Variants in MANF observed in about 807,000 individuals in gnomAD.
The protein encoded by MANF is mesencephalic astrocyte-derived neurotrophic factor.
In MANF, 9 loss-of-function variants were observed where a neutral mutation model predicts 19.1. That is an observed-to-expected ratio of 0.47 (90% CI 0.28 to 0.82). The LOEUF (loss-of-function observed/expected upper bound fraction) is 0.82. MANF is among the 40% of genes least tolerant of loss of function. MANF has a pLI of 0.10. For missense variants in MANF, 225 were observed against 226.7 expected, an observed-to-expected ratio of 0.99 and a Z score of 0.05; for synonymous variants, 89 against 88.0, an observed-to-expected ratio of 1.01 and a Z score of -0.06.
rs782017054 is a variant in MANF at position 51,386,191 on chromosome 3, G to A, written c.95-17G>A. On this transcript the variant is annotated splice_polypyrimidine_tract_variant and intron_variant, in intron 1 of 3. Coordinates refer to ENST00000528157, the MANE Select transcript of MANF (RefSeq NM_006010.6). ...GCTTGGTGATTGCTGAGCATCTCCC[G>A]TCCCTCTCTTTTCCAGTTTGTATTT... is the stretch of plus-strand genomic sequence containing the variant. 6.8e-6 allele frequency: 11 copies of A among 1,612,424 alleles called. No individual in the cohort carries two copies. The highest frequency in any genetic ancestry group is 9.3e-6 in the Non-Finnish European group (11 of 1,179,104).
At chr3:51,388,549 C>G (rs1378444494) in intron 3 of MANF, among the ~76,000 whole-genome samples, 6 of 152,214 alleles carry the variant, frequency 3.9e-5, no homozygotes, top group Non-Finnish European at 5.9e-5. Flanking sequence ...AAGGCCTGAG[C>G]AGGGCTGCTC....
intron 1 of MANF, chr3:51,385,667 G>C: frequency 2.7e-6 from 1 of 370,886 alleles, no homozygotes; most frequent in Non-Finnish European, 4.8e-6. Flanking sequence ...ACTAGATCCC[G>C]TTGAAAACTT....
At position 51,389,279 on chromosome 3, in the gene MANF, G is replaced by C. The variant is rs1553621217; in HGVS notation, c.*190G>C. On this transcript the variant is annotated 3_prime_UTR_variant, in exon 4 of 4. Coordinates refer to ENST00000528157, the MANE Select transcript of MANF (RefSeq NM_006010.6). ...GGGGATTCCCTTCCTTCTGTTGCTG[G>C]TGTACTCTAGGACTTCAAAGTGTGT... 1.8e-6 allele frequency: 1 copy of C among 552,164 alleles called. No homozygotes were observed. Among genetic ancestry groups the C allele is most frequent in the Non-Finnish European group, 3.1e-6 (1 of 321,504 alleles). 34.2% of individuals were successfully genotyped at this position (552,164 alleles called of 1,614,324 possible).
chr3:51,388,283 T>C (rs2088982608), intron 3 of MANF, among the ~76,000 whole-genome samples: 1 of 152,212 alleles, frequency 6.6e-6, no homozygotes, highest in African/African-American at 2.4e-5. Context: ...GGCTGCAAGC[T>C]CTGAAGCCCC....
At position 51,386,173 on chromosome 3, in the gene MANF, G is replaced by A. The variant is rs782628351; in HGVS notation, c.95-35G>A. On this transcript the variant is annotated intron_variant, in intron 1 of 3. Transcript: ENST00000528157. ...TTCTGGTGGATTGGAACAGCTTGGT[G>A]ATTGCTGAGCATCTCCCGTCCCTCT... 1.1e-5 allele frequency: 17 copies of A among 1,610,392 alleles called. No individual in the cohort carries two copies. The South Asian group carries it at 1.9e-4, about 18-fold the overall frequency.
chr3:51,385,350 G>A lies in MANF; in HGVS notation c.8G>A (p.Arg3Lys), dbSNP rs1488731372. 3.2e-6 allele frequency: 4 copies of A among 1,238,940 alleles called. No individual in the cohort carries two copies. Among genetic ancestry groups the A allele is most frequent in the Non-Finnish European group, 4.0e-6 (4 of 989,132 alleles). The allele number at this position is 1,238,940 out of a possible 1,614,324, so 76.7% of individuals were successfully genotyped here. Residue 3 changes from arginine to lysine, a missense_variant, in exon 1 of 4, where the codon AGG becomes AAG. Coordinates refer to ENST00000528157, the MANE Select transcript of MANF (RefSeq NM_006010.6). Reference protein sequence around the residue: MRRMWATQGLAVA... With the variant: MRKMWATQGLAVA... Reference sequence around the variant, plus strand: ...AGGAGGAGGATGAGGAGGATGAGGAGGATGTGGGCCACGCAGGGGCTGGCG... The same window carrying A: ...AGGAGGAGGATGAGGAGGATGAGGAAGATGTGGGCCACGCAGGGGCTGGCG...
Position 51,385,320 on chromosome 3 carries a change from G to GGAT in MANF, c.-21_-20insTGA. The GGAT allele has an allele frequency of 8.2e-7, 1 of 1,222,738 alleles. No individual in the cohort carries two copies. The highest frequency in any genetic ancestry group is 1.0e-6 in the Non-Finnish European group (1 of 976,442). 75.7% of individuals were successfully genotyped at this position (1,222,738 alleles called of 1,614,324 possible). Reference sequence around the variant, plus strand: ...GGTCGGCGGCGGCAGCGGAGGAGGAGGAGGAGGAGGAGGATGAGGAGGATG... The same window carrying GGAT: ...GGTCGGCGGCGGCAGCGGAGGAGGAGGATGAGGAGGAGGAGGATGAGGAGGATG... On this transcript the variant is annotated 5_prime_UTR_variant, in exon 1 of 4. The change creates a new upstream start codon in the 5' untranslated region. Coordinates refer to ENST00000528157, the MANE Select transcript of MANF (RefSeq NM_006010.6).
intron 1 of MANF, 37 bp from the exon 2 acceptor site, chr3:51,386,171 G>A: frequency 6.2e-7 from 1 of 1,610,122 alleles, no homozygotes; most frequent in South Asian, 1.1e-5. Context: ...GAACAGCTTG[G>A]TGATTGCTGA....
chr3:51,385,597 C>A, intron 1 of MANF, 161 bp downstream of exon 1: 1 of 401,212 alleles, frequency 2.5e-6, no homozygotes. Context: ...GGCTCCGGCG[C>A]CCGCCCTAGT....
At chr3:51,387,702 C>T (rs2088975701) in intron 2 of MANF, 35 bp from the exon 3 acceptor site, 1 of 1,598,540 alleles carries the variant, frequency 6.3e-7, no homozygotes, top group Non-Finnish European at 8.5e-7. Flanking sequence ...GGCTCTCAAG[C>T]ACCTCCTGAA....
In MANF at chr3:51,389,096, C is replaced by A; in HGVS notation, c.*7C>A. 1 of 1,608,788 alleles carries A rather than the reference C, an allele frequency of 6.2e-7. No individual in the cohort carries two copies. Among genetic ancestry groups the A allele is most frequent in the Non-Finnish European group, 8.5e-7 (1 of 1,177,924 alleles). On this transcript the variant is annotated 3_prime_UTR_variant, in exon 4 of 4. Transcript: ENST00000528157. ...TGCACGGACCGATTTGTAGTCTGCT[C>A]AATCTCTGTTGCACCTGAGGGGGAA... is the stretch of plus-strand genomic sequence containing the variant.
At chr3:51,387,601 C>T in intron 2 of MANF, 136 bp from the exon 3 acceptor site, 1 of 773,274 alleles carries the variant, frequency 1.3e-6, no homozygotes. Context: ...CACTGCATTC[C>T]AGCCTGGGTG....
chr3:51,387,390 G>A (rs2088972826), intron 2 of MANF, among the ~76,000 whole-genome samples: 1 of 152,110 alleles, frequency 6.6e-6, no homozygotes, highest in Non-Finnish European at 1.5e-5. Context: ...CTGGGAGGCG[G>A]AGGTTGCAGT....
intron 1 of MANF, 40 bp from the exon 2 acceptor site, chr3:51,386,150 CTGGTGGATTGGAACAGCT>C (rs2088957953): frequency 8.8e-6 from 14 of 1,589,952 alleles, no homozygotes; most frequent in Non-Finnish European, 1.2e-5. Flanking sequence ...GAGTTCTTTT[CTGGTGGATTGGAACAGCT>C]TGGTGATTGC....
chr3:51,387,396 G>T (rs2088972899), intron 2 of MANF, among the ~76,000 whole-genome samples: 1 of 152,108 alleles, frequency 6.6e-6, no homozygotes, highest in Non-Finnish European at 1.5e-5. Context: ...GGCGGAGGTT[G>T]CAGTGAGCCG....
At position 51,389,117 on chromosome 3, in the gene MANF, G is replaced by T. The variant is rs782012746; in HGVS notation, c.*28G>T. On this transcript the variant is annotated 3_prime_UTR_variant, in exon 4 of 4. Coordinates refer to ENST00000528157, the MANE Select transcript of MANF (RefSeq NM_006010.6). ...TGCTCAATCTCTGTTGCACCTGAGG[G>T]GGAAAAAACAGTTCAACTGCTTACT... 2 of 1,586,420 alleles carry T rather than the reference G, an allele frequency of 1.3e-6. No individual in the cohort carries two copies. Among genetic ancestry groups the T allele is most frequent in the South Asian group, 2.3e-5 (2 of 85,546 alleles).
At chr3:51,386,099 C>A in intron 1 of MANF, 109 bp from the exon 2 acceptor site, 2 of 1,228,680 alleles carry the variant, frequency 1.6e-6, no homozygotes, top group Admixed American at 4.2e-5. Flanking sequence ...AAGCTCACCT[C>A]TAATGATTCA....
rs553905588 is a variant in MANF, at chr3:51,389,112, T to C, written c.*23T>C. On this transcript the variant is annotated 3_prime_UTR_variant, in exon 4 of 4. Transcript: ENST00000528157. ...TAGTCTGCTCAATCTCTGTTGCACC[T>C]GAGGGGGAAAAAACAGTTCAACTGC... The C allele has an allele frequency of 1.3e-6, 2 of 1,593,082 alleles. No homozygotes were observed. Among genetic ancestry groups the C allele is most frequent in the South Asian group, 2.3e-5 (2 of 86,606 alleles).
At chr3:51,387,945 A>G in intron 3 of MANF, 67 bp downstream of exon 3, 1 of 1,522,906 alleles carries the variant, frequency 6.6e-7, no homozygotes, top group Non-Finnish European at 9.0e-7. Flanking sequence ...CATCTGGGAG[A>G]GGAAAATGAT....
Sources: allele counts gnomAD v4.1 joint callset (sites outside exome capture counted in the v4.1 genomes callset), GRCh38; gene constraint gnomAD v4.1.1; transcripts MANE v1.5; gene names NCBI Gene and HGNC (gene_info 2026-07-23, HGNC 2026-07-21).